The following CRTC2 variants were observed in gnomAD, a reference collection of about 807,000 sequenced individuals.
CRTC2 encodes CREB-regulated transcription coactivator 2.
Under a neutral mutation model 70.9 loss-of-function variants are expected in CRTC2, and 25 were observed. The ratio of observed to expected loss-of-function variants is 0.35; its 90% CI spans 0.26 to 0.49. The LOEUF (loss-of-function observed/expected upper bound fraction) is 0.49. Among genes scored for constraint, CRTC2 ranks in the 20% least tolerant of loss-of-function variants. CRTC2 has a pLI of 0.98. For missense variants in CRTC2, 737 were observed against 882.6 expected (o/e 0.83, Z 2.09); for synonymous variants, 330 against 364.1 (o/e 0.91, Z 1.07).
intron 11 of CRTC2, among the ~76,000 whole-genome samples, chr1:153,949,729 G>C (rs1680222277): frequency 6.6e-6 from 1 of 152,072 alleles, no homozygotes; most frequent in South Asian, 2.1e-4. Context: ...GGCGTCTGTA[G>C]TCCCAGCTAT....
Position 153,958,364 on chromosome 1 carries a change from A to C in CRTC2, c.134T>G (p.Met45Arg). 6.2e-7 allele frequency: 1 copy of C among 1,612,590 alleles called. No homozygotes were observed. ...CCTCACCCGGGTGGAGCCGATGTCC[A>C]TCATCACCTCCTCGAAGGCCGCCGT... is the stretch of plus-strand genomic sequence containing the variant. ...EETAAFEEVMMDIGSTRLQAQ... is the reference protein window; with the variant it reads ...EETAAFEEVMRDIGSTRLQAQ... The change falls in exon 1 of 14, where the codon ATG becomes AGG. Residue 45 changes from methionine (M) to arginine (R), a missense_variant. Physicochemically the swap from Met to Arg is moderately conservative, Grantham distance 91. Around this residue, in one of 3 missense-constraint regions of CRTC2, gnomAD observed 699 missense variants for 823.7 expected, o/e 0.85. Coordinates refer to ENST00000368633, the MANE Select transcript of CRTC2 (RefSeq NM_181715.3).
At position 153,954,861 on chromosome 1, in the gene CRTC2, T is replaced by C. The variant is rs561746292; in HGVS notation, c.372+12A>G. 4.3e-6 allele frequency: 7 copies of C among 1,610,074 alleles called. No homozygotes were observed. Among genetic ancestry groups the C allele is most frequent in the Non-Finnish European group, 5.9e-6 (7 of 1,177,828 alleles). Reference sequence around the variant, plus strand: ...ACCTTTCAGACACTCCCAAGTCCCCTGTGAAGGATATGTGGCGGGTGTATC... The same window carrying C: ...ACCTTTCAGACACTCCCAAGTCCCCCGTGAAGGATATGTGGCGGGTGTATC... On this transcript the variant is annotated intron_variant, in intron 3 of 13. Coordinates refer to ENST00000368633, the MANE Select transcript of CRTC2 (RefSeq NM_181715.3).
chr1:153,951,800 G>A, intron 10 of CRTC2, 134 bp from the exon 11 acceptor site: 1 of 1,087,002 alleles, frequency 9.2e-7, no homozygotes, highest in Non-Finnish European at 1.3e-6. Context: ...ATCCCTGACA[G>A]CACTGCCCAT....
intron 8 of CRTC2, 37 bp downstream of exon 8, chr1:153,952,534 A>G: frequency 6.2e-7 from 1 of 1,612,822 alleles, no homozygotes; most frequent in Non-Finnish European, 8.5e-7. Flanking sequence ...GGGATAGCAG[A>G]GAGACTAGTG....
Position 153,952,196 on chromosome 1 carries a change from GC to G in CRTC2, c.818del (p.Gly273AlafsTer29), listed in dbSNP as rs771895874. 1 of 1,613,546 alleles carries G rather than the reference GC, an allele frequency of 6.2e-7. No individual in the cohort carries two copies. The highest frequency in any genetic ancestry group is 8.5e-7 in the Non-Finnish European group (1 of 1,179,664). ...PVLPPAMNTG[G>X]SLPDLTNLHF... ...GCAGGTTGGTGAGGTCAGGTAGGGA[GC>G]CCCCCGTGTTCATGGCAGGTGGGAG... On this transcript the variant is annotated frameshift_variant, in exon 10 of 14. Coordinates refer to ENST00000368633, the MANE Select transcript of CRTC2 (RefSeq NM_181715.3). LOFTEE classifies it high-confidence loss of function.
In CRTC2 at chr1:153,948,038, G is replaced by C. The variant is rs1680104216; in HGVS notation, c.*71C>G. On this transcript the variant is annotated 3_prime_UTR_variant, in exon 14 of 14. Coordinates refer to ENST00000368633, the MANE Select transcript of CRTC2 (RefSeq NM_181715.3). ...GGGACAGAGAGTAGAGTCTCTACCT[G>C]CCAGGGGGAAGGGAGGAAAGGAATG... 1.4e-6 allele frequency: 2 copies of C among 1,422,108 alleles called. No individual in the cohort carries two copies. Among genetic ancestry groups the C allele is most frequent in the Non-Finnish European group, 2.0e-6 (2 of 1,014,520 alleles). The allele number at this position is 1,422,108 out of a possible 1,614,324, so 88.1% of individuals were successfully genotyped here.
rs528607361 is a variant in CRTC2, at chr1:153,949,124, G to C, written c.1665C>G (p.Asn555Lys). Residue 555 changes from asparagine (N) to lysine (K), a missense_variant, in exon 12 of 14, where the codon AAC (asparagine) becomes AAG (lysine). This residue lies in a region of CRTC2 where 699 missense variants were observed against 823.7 expected (regional missense o/e 0.85). Coordinates refer to ENST00000368633, the MANE Select transcript of CRTC2 (RefSeq NM_181715.3). Reference sequence around the variant, plus strand: ...GAGCCTGAGTACTCACATTCCCCAGGTTGAAGTCACTCATTGGCCGGTGGT... The same window carrying C: ...GAGCCTGAGTACTCACATTCCCCAGCTTGAAGTCACTCATTGGCCGGTGGT... The part of the protein sequence containing the change: ...QSYHRPMSDF[N>K]LGNLEQFSME... 1 of 1,607,740 alleles carries C rather than the reference G, an allele frequency of 6.2e-7. No homozygotes were observed. Among genetic ancestry groups the C allele is most frequent in the East Asian group, 2.2e-5 (1 of 44,834 alleles).
At chr1:153,949,448 A>C in intron 11 of CRTC2, 64 bp from the exon 12 acceptor site, 1 of 1,485,792 alleles carries the variant, frequency 6.7e-7, no homozygotes, top group Non-Finnish European at 9.0e-7. Flanking sequence ...TCTCAGTCAG[A>C]GCTTCCCACC....
intron 3 of CRTC2, 68 bp from the exon 4 acceptor site, chr1:153,954,384 A>C: frequency 5.4e-5 from 57 of 1,048,824 alleles, no homozygotes; most frequent in Non-Finnish European, 7.8e-5. Flanking sequence ...GGAAAGAACA[A>C]TGAAGGCAGC....
At chr1:153,954,672 G>A (rs1680532490) in intron 3 of CRTC2, among the ~76,000 whole-genome samples, 1 of 152,186 alleles carries the variant, frequency 6.6e-6, no homozygotes, top group Non-Finnish European at 1.5e-5. Flanking sequence ...CAGAGACAGG[G>A]GGCACAGCCT....
chr1:153,948,315 C>T lies in CRTC2; in HGVS notation c.1876G>A (p.Gly626Ser). Reference sequence around the variant, plus strand: ...GCTGCTGCAATCTCCTTAGAGAAACCTGGAGAGGAGTCCCCTGTGGGTAGA... The same window carrying T: ...GCTGCTGCAATCTCCTTAGAGAAACTTGGAGAGGAGTCCCCTGTGGGTAGA... ...NIILTGDSSP[G>S]FSKEIAAALA... Residue 626 changes from glycine to serine, a missense_variant, in exon 14 of 14, where the codon GGT becomes AGT. By Grantham distance (56) the Gly-to-Ser change is moderately conservative. Transcript: ENST00000368633. 6.2e-7 allele frequency: 1 copy of T among 1,614,256 alleles called. No homozygotes were observed. Among genetic ancestry groups the T allele is most frequent in the South Asian group, 1.1e-5 (1 of 91,090 alleles).
chr1:153,955,233 G>T, intron 1 of CRTC2, 67 bp from the exon 2 acceptor site: 1 of 1,205,552 alleles, frequency 8.3e-7, no homozygotes, highest in Non-Finnish European at 1.2e-6. Flanking sequence ...AGCCATCCTT[G>T]CCATCTCTGT....
At position 153,951,447 on chromosome 1, in the gene CRTC2, G is replaced by A. The variant is rs767294894; in HGVS notation, c.1217C>T (p.Thr406Ile). ...GGGGGCGCCCAAAACAGGAGATGAAGTGGAGGAGGAGGAAGAGGAGGAGGA... is the reference window on the plus strand; with the variant it reads ...GGGGGCGCCCAAAACAGGAGATGAAATGGAGGAGGAGGAAGAGGAGGAGGA... ...ALSSSSSSSS[T>I]SSPVLGAPSY... Residue 406 changes from threonine (T) to isoleucine (I), a missense_variant, in exon 11 of 14, where the codon ACT becomes ATT. By Grantham distance (89) the Thr-to-Ile change is moderately conservative. Coordinates refer to ENST00000368633, the MANE Select transcript of CRTC2 (RefSeq NM_181715.3). 4 of 1,602,860 alleles carry A rather than the reference G, an allele frequency of 2.5e-6. No individual in the cohort carries two copies. In the East Asian group the frequency reaches 6.7e-5, roughly 27 times the overall value.
chr1:153,955,247 C>A, intron 1 of CRTC2, 81 bp from the exon 2 acceptor site: 1 of 1,040,838 alleles, frequency 9.6e-7, no homozygotes, highest in Non-Finnish European at 1.5e-6. Flanking sequence ...TCTCTGTCAC[C>A]AGGATATGCT....
chr1:153,951,436 C>T lies in CRTC2; in HGVS notation c.1228G>A (p.Val410Ile). Residue 410 changes from valine to isoleucine, a missense_variant, in exon 11 of 14, where the codon GTT (valine) becomes ATT (isoleucine). Transcript: ENST00000368633. ...SSSSSSTSSP[V>I]LGAPSYPAST... ...GCAGGGTAAGAGGGGGCGCCCAAAACAGGAGATGAAGTGGAGGAGGAGGAA... is the reference window on the plus strand; with the variant it reads ...GCAGGGTAAGAGGGGGCGCCCAAAATAGGAGATGAAGTGGAGGAGGAGGAA... 6.2e-7 allele frequency: 1 copy of T among 1,602,910 alleles called. No homozygotes were observed. Among genetic ancestry groups the T allele is most frequent in the Non-Finnish European group, 8.5e-7 (1 of 1,174,260 alleles).
chr1:153,950,107 T>C (rs1680245066), intron 11 of CRTC2, among the ~76,000 whole-genome samples: 1 of 152,212 alleles, frequency 6.6e-6, no homozygotes, highest in Non-Finnish European at 1.5e-5. Flanking sequence ...TAATTTTTTA[T>C]TTGTTGTAGA....
At position 153,948,136 on chromosome 1, in the gene CRTC2, C is replaced by A. The variant is rs1248952361; in HGVS notation, c.2055G>T (p.Glu685Asp). 6.2e-7 allele frequency: 1 copy of A among 1,614,200 alleles called. No homozygotes were observed. The highest frequency in any genetic ancestry group is 8.5e-7 in the Non-Finnish European group (1 of 1,180,028). Residue 685 changes from glutamate (E) to aspartate (D), a missense_variant, in exon 14 of 14, where the codon GAG becomes GAT. Physicochemically the swap from Glu to Asp is conservative, Grantham distance 45. Coordinates refer to ENST00000368633, the MANE Select transcript of CRTC2 (RefSeq NM_181715.3). ...ATTGGAGCCGGTCACTGCGGAATGACTCCTCCACAGCAGGATCAGGCAGCA... is the reference window on the plus strand; with the variant it reads ...ATTGGAGCCGGTCACTGCGGAATGAATCCTCCACAGCAGGATCAGGCAGCA... The part of the protein sequence containing the change: ...CALLPDPAVE[E>D]SFRSDRLQ
At chr1:153,948,918 G>A (rs1680170323) in intron 12 of CRTC2, 197 bp downstream of exon 12, 1 of 745,852 alleles carries the variant, frequency 1.3e-6, no homozygotes, top group Non-Finnish European at 2.4e-6. Context: ...GAAATAGAGG[G>A]GCAGGAGTAG....
intron 3 of CRTC2, 146 bp downstream of exon 3, chr1:153,954,727 G>A: frequency 1.4e-6 from 1 of 703,516 alleles, no homozygotes; most frequent in Non-Finnish European, 2.5e-6. Flanking sequence ...TGACGCAGGG[G>A]CTATGGTCGC....
Sources: gnomAD v4.1 joint callset for allele counts (sites outside exome capture counted in the v4.1 genomes callset) on GRCh38, gnomAD v4.1.1 for gene constraint, gnomAD v4.1.1 regional missense constraint, MANE v1.5 for transcripts, NCBI Gene and HGNC (gene_info 2026-07-23, HGNC 2026-07-21) for gene names.